OSCP1: variants seen among roughly 807,000 people sequenced by gnomAD.
OSCP1 encodes the protein protein OSCP1.
A neutral mutation model predicts 45.1 loss-of-function variants in OSCP1; 35 were observed. That is an observed-to-expected ratio of 0.78 (90% CI 0.59 to 1.03). The LOEUF (loss-of-function observed/expected upper bound fraction) is 1.03. OSCP1 is among the 50% of genes least tolerant of loss of function. The probability of loss-of-function intolerance (pLI) is 0.00; values close to 1 mark genes in which losing one functional copy is unlikely to be tolerated. For missense variants in OSCP1, 400 were observed against 470.7 expected (o/e 0.85, Z 1.39); for synonymous variants, 179 against 180.1 (o/e 0.99, Z 0.05).
rs773290552 is a variant in OSCP1 at position 36,418,229 on chromosome 1, A to T, written c.1050T>A (p.Ala350=). 151 of 1,614,156 alleles carry T rather than the reference A, an allele frequency of 9.4e-5. No homozygotes were observed. Among genetic ancestry groups the T allele is most frequent in the Non-Finnish European group, 1.3e-4 (149 of 1,180,034 alleles). ...TGATCTCAAACTCCCCCATGATTCG[A>T]GCCAGCTCCTCGCTCCGTTGCTGGT... ...TQDQQRSEEL[A]RIMGEFEITE... is the part of the protein sequence containing the mutation. The change falls in exon 10 of 10, where the codon GCT becomes GCA. Residue 350 remains alanine (A), a synonymous_variant. Coordinates refer to ENST00000235532, the MANE Select transcript of OSCP1 (RefSeq NM_145047.5).
At chr1:36,443,199 A>G (rs367739435) in intron 1 of OSCP1, among the ~76,000 whole-genome samples, 7 of 152,108 alleles carry the variant, frequency 4.6e-5, no homozygotes, top group African/African-American at 1.7e-4. Flanking sequence ...CCTGACCTCA[A>G]GTGATCCTCC....
chr1:36,417,963 AGAGTGAGTGCTCCTCAAGG>A lies in OSCP1; in HGVS notation c.*157_*175del, dbSNP rs1335247326. On this transcript the variant is annotated 3_prime_UTR_variant, in exon 10 of 10. Coordinates refer to ENST00000235532, the MANE Select transcript of OSCP1 (RefSeq NM_145047.5). Reference sequence around the variant, plus strand: ...AAATATGTGTATGTGTGTGCCTTCAAGAGTGAGTGCTCCTCAAGGGAGACTCACACAGTTCCTTACAACA... The same window carrying A: ...AAATATGTGTATGTGTGTGCCTTCAAGAGACTCACACAGTTCCTTACAACA... 3.6e-6 allele frequency: 2 copies of A among 553,690 alleles called. No homozygotes were observed. The highest frequency in any genetic ancestry group is 6.8e-5 in the Admixed American group (2 of 29,516). The allele number at this position is 553,690 out of a possible 1,614,324, so 34.3% of individuals were successfully genotyped here.
intron 3 of OSCP1, 55 bp from the exon 4 acceptor site, chr1:36,431,937 C>A (rs375957997): frequency 2.6e-6 from 4 of 1,538,856 alleles, no homozygotes; most frequent in Admixed American, 1.7e-5. Flanking sequence ...ATGAGTAGTA[C>A]GCACCGGCAG....
At chr1:36,438,566 C>T (rs948353940) in intron 2 of OSCP1, among the ~76,000 whole-genome samples, 190 bp downstream of exon 2, 2 of 152,152 alleles carry the variant, frequency 1.3e-5, no homozygotes, top group African/African-American at 2.4e-5. Context: ...ATGTCATAAA[C>T]AACAGAGGGG....
chr1:36,438,965 G>A (rs1488715491), intron 1 of OSCP1, 55 bp from the exon 2 acceptor site: 17 of 1,572,348 alleles, frequency 1.1e-5, no homozygotes, highest in Non-Finnish European at 1.5e-5. Flanking sequence ...AGCCTATCCC[G>A]AAATGCTCTT....
At position 36,422,239 on chromosome 1, in the gene OSCP1, T is replaced by C. The variant is rs1178419430; in HGVS notation, c.750-20A>G. The C allele has an allele frequency of 6.2e-7, 1 of 1,610,100 alleles. No homozygotes were observed. The highest frequency in any genetic ancestry group is 1.1e-5 in the South Asian group (1 of 91,008). On this transcript the variant is annotated intron_variant, in intron 6 of 9. Coordinates refer to ENST00000235532, the MANE Select transcript of OSCP1 (RefSeq NM_145047.5). ...CTGTACCTGGTGTGTCAACAGAAAA[T>C]GGTGACATTATCCAGCCCCTTTCCA...
At chr1:36,450,149 TAA>T (rs3079364) in intron 1 of OSCP1, 107 bp downstream of exon 1, 88,126 of 847,678 alleles carry the variant, frequency 0.1, 5,347 homozygotes, top group East Asian at 0.26. Context: ...TCCCTGGTTA[TAA>T]GAGTGAAGTG....
chr1:36,439,071 C>A, intron 1 of OSCP1, 161 bp from the exon 2 acceptor site: 1 of 625,624 alleles, frequency 1.6e-6, no homozygotes, highest in Non-Finnish European at 2.5e-6. Flanking sequence ...ACAGGTGTCC[C>A]GGTAGAAAGC....
In OSCP1 at chr1:36,450,261, T is replaced by G; in HGVS notation, c.109A>C (p.Lys37Gln). The G allele has an allele frequency of 6.2e-7, 1 of 1,612,690 alleles. No homozygotes were observed. The highest frequency in any genetic ancestry group is 8.5e-7 in the Non-Finnish European group (1 of 1,179,252). The change falls in exon 1 of 10, where the codon AAA becomes CAA. Residue 37 changes from lysine (K) to glutamine (Q), a missense_variant. Lys to Gln is a moderately conservative substitution (Grantham distance 53). Coordinates refer to ENST00000235532, the MANE Select transcript of OSCP1 (RefSeq NM_145047.5). ...AQNIPGDKAR[K>Q]VLNDIISTMF... ...GAGCGGGCCGGGGGCCTCTCACCTT[T>G]GCGGGCCTTGTCTCCCGGGATGTTC...
chr1:36,447,716 GC>G lies in OSCP1; in HGVS notation c.112+2541del, dbSNP rs1256901336. The G allele has an allele frequency of 4.7e-5, 11 of 232,436 alleles. No individual in the cohort carries two copies. The highest frequency in any genetic ancestry group is 9.2e-5 in the Non-Finnish European group (10 of 108,720). 14.4% of individuals were successfully genotyped at this position (232,436 alleles called of 1,614,324 possible). On this transcript the variant is annotated intron_variant, in intron 1 of 9. Coordinates refer to ENST00000235532, the MANE Select transcript of OSCP1 (RefSeq NM_145047.5). This position sits in a 1 kb window ranked among gnomAD's most constrained non-coding sequence, Gnocchi z 4.1. ...GGGAGGATTAAGGTGTTTAAGAGGA[GC>G]CCTTGGTACAAAGTAAGTGCTTGAT... is the stretch of plus-strand genomic sequence containing the variant.
At chr1:36,434,032 G>A (rs1648547735) in intron 2 of OSCP1, among the ~76,000 whole-genome samples, 1 of 152,158 alleles carries the variant, frequency 6.6e-6, no homozygotes, top group African/African-American at 2.4e-5. Context: ...TGATGATCAG[G>A]GTTGTCCAGA....
In OSCP1 at chr1:36,420,585, C is replaced by A. The variant is rs925041588; in HGVS notation, c.850G>T (p.Glu284Ter). Residue 284 changes from glutamate to a stop codon, truncating the protein, a stop_gained, in exon 8 of 10, where the codon GAA (glutamate) becomes TAA (stop). Coordinates refer to ENST00000235532, the MANE Select transcript of OSCP1 (RefSeq NM_145047.5). LOFTEE classifies it high-confidence loss of function. ...ESIAPNPLAK[E>*]ELNFLARLMG... The stretch of plus-strand genomic sequence containing the variant: ...AGCCTGGCCAAGAAATTCAGCTCTT[C>A]TTTAGCAAGAGGGTTTGGAGCAATG... 1 of 1,614,148 alleles carries A rather than the reference C, an allele frequency of 6.2e-7. No homozygotes were observed. Among genetic ancestry groups the A allele is most frequent in the Non-Finnish European group, 8.5e-7 (1 of 1,180,036 alleles).
At chr1:36,441,798 T>A (rs927598078) in intron 1 of OSCP1, among the ~76,000 whole-genome samples, 5 of 151,266 alleles carry the variant, frequency 3.3e-5, no homozygotes, top group African/African-American at 9.7e-5. Flanking sequence ...TTTTTTTCCC[T>A]TCATCCTAAC....
chr1:36,436,222 G>C (rs1437851331), intron 2 of OSCP1, among the ~76,000 whole-genome samples: 1 of 150,520 alleles, frequency 6.6e-6, no homozygotes, highest in Non-Finnish European at 1.5e-5. Flanking sequence ...TCCTGCCTCA[G>C]CCTCCCGAGT....
intron 2 of OSCP1, among the ~76,000 whole-genome samples, chr1:36,435,351 T>TGCC (rs1286663632): frequency 6.6e-6 from 1 of 152,038 alleles, no homozygotes; most frequent in Non-Finnish European, 1.5e-5. Context: ...TTTGCTATGT[T>TGCC]GCCCAGGCTG....
intron 5 of OSCP1, 89 bp downstream of exon 5, chr1:36,423,274 G>A: frequency 9.5e-7 from 1 of 1,054,380 alleles, no homozygotes. Flanking sequence ...CAGACTGTGA[G>A]TGGCTTGGCA....
rs189690214 is a variant in OSCP1 at position 36,449,481 on chromosome 1, T to A, written c.112+777A>T. 2.9e-4 allele frequency among the ~76,000 whole-genome samples: 44 copies of A among 152,296 alleles called. 1 individual carries two copies. The highest frequency in any genetic ancestry group is 2.5e-3 in the Admixed American group (39 of 15,306). On this transcript the variant is annotated intron_variant, in intron 1 of 9. Transcript: ENST00000235532. ...AGAACACCAAATTTCTAGAAATACT[T>A]CTGAGATGAGTAAGACCAATCTCCA...
At chr1:36,418,525 A>AG in intron 9 of OSCP1, 1 of 507,078 alleles carries the variant, frequency 2.0e-6, no homozygotes, top group Non-Finnish European at 3.5e-6. Flanking sequence ...TAATTTGAGC[A>AG]GGGGGAATGA....
At chr1:36,440,402 C>T (rs558433984) in intron 1 of OSCP1, among the ~76,000 whole-genome samples, 61 of 152,314 alleles carry the variant, frequency 4.0e-4, no homozygotes, top group Admixed American at 9.2e-4. Flanking sequence ...CACACACCCC[C>T]GGTGACACAA....
Sources: allele counts gnomAD v4.1 joint callset (sites outside exome capture counted in the v4.1 genomes callset), GRCh38; gene constraint gnomAD v4.1.1; non-coding constraint Gnocchi (gnomAD v3.1); transcripts MANE v1.5; gene names NCBI Gene and HGNC (gene_info 2026-07-23, HGNC 2026-07-21).